Variants in ACOXL observed in about 807,000 individuals in gnomAD.
ACOXL encodes acyl-coenzyme A oxidase-like protein.
In ACOXL, 70 loss-of-function variants were observed where a neutral mutation model predicts 71.9. The observed-to-expected ratio is 0.97, with a 90% confidence interval of 0.80 to 1.19. The LOEUF (loss-of-function observed/expected upper bound fraction) is 1.19, where lower values mean the gene tolerates loss of function less well. ACOXL is among the 50% of genes most tolerant of loss of function. The pLI, the probability that ACOXL is intolerant of heterozygous loss-of-function variation, is 0.00. For synonymous variants in ACOXL, 253 were observed against 281.6 expected (o/e 0.90, Z 1.02); for missense variants, 703 against 736.3 (o/e 0.95, Z 0.52).
intron 2 of ACOXL, 64 bp downstream of exon 2, chr2:110,768,528 G>A: frequency 6.8e-7 from 1 of 1,481,176 alleles, no homozygotes; most frequent in Non-Finnish European, 9.3e-7. Flanking sequence ...GAGAGAGAGA[G>A]AGAGAGAGAG....
intron 9 of ACOXL, among the ~76,000 whole-genome samples, chr2:110,806,223 C>T (rs943609723): frequency 6.6e-6 from 1 of 152,218 alleles, no homozygotes; most frequent in African/African-American, 2.4e-5. Flanking sequence ...TGTCCTGACC[C>T]GGGCTTCCCC....
chr2:110,739,855 G>T (rs928904913), intron 1 of ACOXL, among the ~76,000 whole-genome samples: 1 of 152,210 alleles, frequency 6.6e-6, no homozygotes, highest in Non-Finnish European at 1.5e-5. Flanking sequence ...GTGACAGTGT[G>T]TTGCTGCTAT....
rs142294747 is a variant in ACOXL, at chr2:110,882,381, A to G, written c.789-26408A>G. Among the ~76,000 whole-genome samples the G allele has an allele frequency of 3.5e-3, 536 of 152,346 alleles. 9 individuals carry two copies. Among genetic ancestry groups the G allele is most frequent in the African/African-American group, 0.012 (509 of 41,586 alleles). ...TTTGAATACAAGTGCTTTATCAGATATGCCTTTTGCAAATATTTTCTGCCA... is the reference window on the plus strand; with the variant it reads ...TTTGAATACAAGTGCTTTATCAGATGTGCCTTTTGCAAATATTTTCTGCCA... On this transcript the variant is annotated intron_variant, in intron 10 of 17. Transcript: ENST00000439055.
chr2:110,997,235 A>C (rs1360855985), intron 14 of ACOXL, among the ~76,000 whole-genome samples: 1 of 152,218 alleles, frequency 6.6e-6, no homozygotes, highest in Non-Finnish European at 1.5e-5. Flanking sequence ...AATGATAGAA[A>C]TCTAACCTAT....
chr2:110,992,765 C>G (rs1230093271), intron 13 of ACOXL, among the ~76,000 whole-genome samples: 4 of 152,208 alleles, frequency 2.6e-5, no homozygotes, highest in African/African-American at 9.6e-5. Context: ...GTCTCTCTTC[C>G]TCCTGCATGG....
chr2:110,880,201 A>G lies in ACOXL; in HGVS notation c.789-28588A>G, dbSNP rs1298256003. ...AAGAAAAGAAAGGAAAAAAGAATGG[A>G]TGTTGTAAAAGATACAAGAAATGCA... On this transcript the variant is annotated intron_variant, in intron 10 of 17. Coordinates refer to ENST00000439055, the MANE Select transcript of ACOXL (RefSeq NM_001142807.4). Among the ~76,000 whole-genome samples the G allele has an allele frequency of 2.0e-5, 3 of 151,586 alleles. No homozygotes were observed. The East Asian group carries it at 5.8e-4, about 29-fold the overall frequency.
intron 16 of ACOXL, among the ~76,000 whole-genome samples, chr2:111,089,501 A>T (rs1866493): frequency 0.41 from 62,176 of 152,066 alleles, 12,779 homozygotes; most frequent in East Asian, 0.53. Context: ...TACAAACTTG[A>T]AAATGACAAA....
At chr2:110,813,150 T>A (rs572382054) in intron 9 of ACOXL, among the ~76,000 whole-genome samples, 1 of 152,248 alleles carries the variant, frequency 6.6e-6, no homozygotes, top group South Asian at 2.1e-4. Context: ...AAGCTCTTGG[T>A]AGGGTAAGGA....
At chr2:110,798,287 C>T (rs558493687) in intron 5 of ACOXL, among the ~76,000 whole-genome samples, 173 of 148,578 alleles carry the variant, frequency 1.2e-3, no homozygotes, top group Non-Finnish European at 9.0e-4. Context: ...GATGGAGTCT[C>T]GCTCTGTCGC....
At chr2:110,893,974 C>T (rs1429583420) in intron 10 of ACOXL, among the ~76,000 whole-genome samples, 1 of 152,118 alleles carries the variant, frequency 6.6e-6, no homozygotes, top group African/African-American at 2.4e-5. Context: ...GCCTCTCTTT[C>T]TCTCTCTTTG....
At chr2:110,792,427 C>T (rs762267567) in intron 3 of ACOXL, among the ~76,000 whole-genome samples, 35 of 152,228 alleles carry the variant, frequency 2.3e-4, no homozygotes, top group Non-Finnish European at 5.9e-5. Flanking sequence ...TCTTCTCCTT[C>T]TCCTTCTCAT....
At chr2:110,793,299 GCA>G (rs913588218) in intron 3 of ACOXL, among the ~76,000 whole-genome samples, 12 of 152,176 alleles carry the variant, frequency 7.9e-5, no homozygotes, top group Admixed American at 2.0e-4. Context: ...GAGGGTCATT[GCA>G]CACACACTTT....
chr2:110,977,006 T>C (rs1028900787), intron 12 of ACOXL, among the ~76,000 whole-genome samples: 1 of 152,082 alleles, frequency 6.6e-6, no homozygotes, highest in African/African-American at 2.4e-5. Context: ...GGTAAAAGAT[T>C]GGGTAGGAGA....
intron 3 of ACOXL, among the ~76,000 whole-genome samples, chr2:110,792,786 G>A (rs892255683): frequency 1.3e-5 from 2 of 152,160 alleles, no homozygotes; most frequent in Non-Finnish European, 2.9e-5. Context: ...GTGAAAGAGT[G>A]AGACCCTGTC....
intron 17 of ACOXL, chr2:111,101,171 C>T (rs980389351): frequency 6.6e-6 from 1 of 152,590 alleles, no homozygotes; most frequent in South Asian, 2.1e-4. Context: ...GGATTACACT[C>T]GTTTACTATT....
At chr2:110,961,800 G>A (rs2061706992) in intron 12 of ACOXL, among the ~76,000 whole-genome samples, 1 of 152,112 alleles carries the variant, frequency 6.6e-6, no homozygotes, top group Non-Finnish European at 1.5e-5. Context: ...GCAAAGTCAC[G>A]TCTTACATGG....
At chr2:110,740,432 G>A (rs1271801932) in intron 1 of ACOXL, among the ~76,000 whole-genome samples, 1 of 152,192 alleles carries the variant, frequency 6.6e-6, no homozygotes, top group Non-Finnish European at 1.5e-5. Flanking sequence ...AGCTTCTGCA[G>A]CACATGAACC....
At chr2:111,007,830 T>C (rs951413653) in intron 14 of ACOXL, among the ~76,000 whole-genome samples, 2 of 152,338 alleles carry the variant, frequency 1.3e-5, no homozygotes. Context: ...TATGCACGTA[T>C]ATTAGAAATC....
chr2:110,799,202 G>A, intron 7 of ACOXL, 102 bp downstream of exon 7: 2 of 1,248,804 alleles, frequency 1.6e-6, no homozygotes, highest in Admixed American at 1.8e-5. Context: ...AGCACTGAGG[G>A]TGGAGAAAAC....
Sources: gnomAD v4.1 joint callset for allele counts (sites outside exome capture counted in the v4.1 genomes callset) on GRCh38, gnomAD v4.1.1 for gene constraint, MANE v1.5 for transcripts, NCBI Gene and HGNC (gene_info 2026-07-23, HGNC 2026-07-21) for gene names.